The following CCDC112 variants were observed in gnomAD, a reference collection of about 807,000 sequenced individuals.
The protein encoded by CCDC112 is coiled-coil domain containing 112.
In CCDC112, 40 loss-of-function variants were observed where a neutral mutation model predicts 66.3. That is an observed-to-expected ratio of 0.60 (90% confidence interval 0.47 to 0.79). The LOEUF (loss-of-function observed/expected upper bound fraction) is 0.79. CCDC112 is among the 30% of genes least tolerant of loss of function. CCDC112 has a pLI of 0.00. For missense variants in CCDC112, 659 were observed against 603.8 expected, an observed-to-expected ratio of 1.09 and a Z score of -0.96; for synonymous variants, 214 against 197.2, an observed-to-expected ratio of 1.09 and a Z score of -0.71.
intron 3 of CCDC112, 29 bp downstream of exon 3, chr5:115,279,618 G>C: frequency 1.2e-6 from 2 of 1,606,452 alleles, no homozygotes; most frequent in Non-Finnish European, 1.7e-6. Flanking sequence ...TCGCTCAACA[G>C]TTTTTAGTTC....
intron 1 of CCDC112, among the ~76,000 whole-genome samples, chr5:115,294,204 C>A (rs1237415942): frequency 6.6e-6 from 1 of 152,076 alleles, no homozygotes. Context: ...ATATTTACTC[C>A]AAAGTAATTT....
At chr5:115,268,635 A>G (rs1748863529) in intron 9 of CCDC112, among the ~76,000 whole-genome samples, 1 of 147,948 alleles carries the variant, frequency 6.8e-6, no homozygotes, top group African/African-American at 2.5e-5. Context: ...ATATATATAT[A>G]TATTTTTCAT....
intron 1 of CCDC112, chr5:115,296,185 TAGGA>T: frequency 7.9e-7 from 1 of 1,268,934 alleles, no homozygotes; most frequent in Non-Finnish European, 9.9e-7. Context: ...ATCACGCGGC[TAGGA>T]AGCGGCAGAG....
intron 2 of CCDC112, among the ~76,000 whole-genome samples, chr5:115,283,060 A>G (rs1357240103): frequency 6.6e-6 from 1 of 152,166 alleles, no homozygotes; most frequent in Non-Finnish European, 1.5e-5. Context: ...CATAAAACAG[A>G]ACCTCTAACC....
intron 1 of CCDC112, among the ~76,000 whole-genome samples, chr5:115,291,409 GTATT>G (rs1749924025): frequency 6.6e-6 from 1 of 151,942 alleles, no homozygotes; most frequent in Non-Finnish European, 1.5e-5. Flanking sequence ...TTTTACATCT[GTATT>G]TATAACAGAT....
intron 1 of CCDC112, among the ~76,000 whole-genome samples, chr5:115,288,852 C>T (rs1749798442): frequency 6.6e-6 from 1 of 152,164 alleles, no homozygotes; most frequent in South Asian, 2.1e-4. Context: ...AGGTGGGATT[C>T]CCTCCTTCTT....
intron 1 of CCDC112, among the ~76,000 whole-genome samples, chr5:115,289,682 T>C (rs1749839612): frequency 6.6e-6 from 1 of 152,206 alleles, no homozygotes; most frequent in Admixed American, 6.5e-5. Context: ...TGCAAGTATT[T>C]TCTCCCATAC....
intron 6 of CCDC112, among the ~76,000 whole-genome samples, chr5:115,274,445 T>C (rs1194551664): frequency 1.3e-5 from 2 of 152,192 alleles, no homozygotes; most frequent in Non-Finnish European, 2.9e-5. Context: ...TTTTGAGTCT[T>C]TAAAATAAGC....
Position 115,275,537 on chromosome 5 carries a change from G to T in CCDC112, c.597C>A (p.Asp199Glu). 1.9e-6 allele frequency: 3 copies of T among 1,613,586 alleles called. No homozygotes were observed. The highest frequency in any genetic ancestry group is 2.5e-6 in the Non-Finnish European group (3 of 1,179,844). ...TTTCTGAATTACCCAAAGCCCATGT[G>T]TCAATTTTTCTTGATATGGCACTCA... ...NELSAISRKI[D>E]TWALGNSETE... is the part of the protein sequence containing the mutation. The change falls in exon 6 of 10, where the codon GAC (aspartate) becomes GAA (glutamate). Residue 199 changes from aspartate to glutamate, a missense_variant. By Grantham distance (45) the Asp-to-Glu change is conservative. Transcript: ENST00000379611.
intron 3 of CCDC112, chr5:115,277,273 C>T (rs1300437407): frequency 7.7e-6 from 3 of 388,030 alleles, no homozygotes; most frequent in Admixed American, 4.2e-5. Context: ...TGGGTTAAGT[C>T]TTACTATAAC....
At chr5:115,274,983 T>C (rs1749142142) in intron 6 of CCDC112, among the ~76,000 whole-genome samples, 1 of 152,164 alleles carries the variant, frequency 6.6e-6, no homozygotes, top group South Asian at 2.1e-4. Flanking sequence ...GCTCAAGTGA[T>C]CCATCCGCCT....
At chr5:115,282,175 G>A (rs1322241526) in intron 2 of CCDC112, among the ~76,000 whole-genome samples, 1 of 152,140 alleles carries the variant, frequency 6.6e-6, no homozygotes, top group Non-Finnish European at 1.5e-5. Flanking sequence ...GTGGTACTCT[G>A]TTCTACGTAC....
At position 115,271,157 on chromosome 5, in the gene CCDC112, A is replaced by T. The variant is rs959455659; in HGVS notation, c.1332+56T>A. On this transcript the variant is annotated intron_variant, in intron 7 of 9. Coordinates refer to ENST00000379611, the MANE Select transcript of CCDC112 (RefSeq NM_001040440.3). ...TCAATTTTTGCTTAACTGAATTTGG[A>T]AGTAATACCTCCATGTGTAGCATTT... is the stretch of plus-strand genomic sequence containing the variant. 2.7e-6 allele frequency: 4 copies of T among 1,484,432 alleles called. No individual in the cohort carries two copies. The African/African-American group carries it at 5.6e-5, about 21-fold the overall frequency. The allele number at this position is 1,484,432 out of a possible 1,614,324, so 92.0% of individuals were successfully genotyped here.
At chr5:115,281,440 T>G (rs73257464) in intron 2 of CCDC112, among the ~76,000 whole-genome samples, 4,332 of 152,234 alleles carry the variant, frequency 0.028, 160 homozygotes, top group African/African-American at 0.086. Flanking sequence ...CATGTGTGTT[T>G]AGGTAGCTTC....
At chr5:115,272,378 G>A (rs1480663154) in intron 6 of CCDC112, among the ~76,000 whole-genome samples, 7 of 152,192 alleles carry the variant, frequency 4.6e-5, no homozygotes, top group African/African-American at 7.2e-5. Context: ...TTAAGAACAT[G>A]AGCACTGAAG....
intron 1 of CCDC112, 71 bp downstream of exon 1, chr5:115,296,356 G>GA: frequency 1.4e-6 from 2 of 1,479,366 alleles, no homozygotes. Flanking sequence ...CGCTGCAGAG[G>GA]GCACCTGTTC....
Position 115,296,114 on chromosome 5 carries a change from G to C in CCDC112, c.117+313C>G, listed in dbSNP as rs564314207. ...ATAACGTTAGTCCAAAGCTCGGGAG[G>C]TGCATGTTACTATTCCCAATTTTTA... On this transcript the variant is annotated intron_variant, in intron 1 of 9. Coordinates refer to ENST00000379611, the MANE Select transcript of CCDC112 (RefSeq NM_001040440.3). The C allele has an allele frequency of 5.7e-5, 62 of 1,083,948 alleles. No homozygotes were observed. The African/African-American group carries it at 9.9e-4, about 17-fold the overall frequency. 67.1% of individuals were successfully genotyped at this position (1,083,948 alleles called of 1,614,324 possible).
At chr5:115,274,557 C>T (rs1386895053) in intron 6 of CCDC112, among the ~76,000 whole-genome samples, 1 of 151,946 alleles carries the variant, frequency 6.6e-6, no homozygotes, top group East Asian at 1.9e-4. Context: ...GGCCTTTGCT[C>T]GTAAGATGAC....
At chr5:115,284,366 T>C (rs926416453) in intron 2 of CCDC112, among the ~76,000 whole-genome samples, 3 of 152,192 alleles carry the variant, frequency 2.0e-5, no homozygotes, top group South Asian at 2.1e-4. Context: ...AATTTAAATA[T>C]ATGATGTTCG....
Sources: gnomAD v4.1 joint callset for allele counts (sites outside exome capture counted in the v4.1 genomes callset) on GRCh38, gnomAD v4.1.1 for gene constraint, MANE v1.5 for transcripts, NCBI Gene and HGNC (gene_info 2026-07-23, HGNC 2026-07-21) for gene names.